COL14A1: variants seen among roughly 807,000 people sequenced by gnomAD.
COL14A1 encodes the protein collagen type XIV alpha 1 chain, also known as collagen alpha-1(XIV) chain.
In COL14A1, 136 loss-of-function variants were observed where a neutral mutation model predicts 230.3. The ratio of observed to expected loss-of-function variants is 0.59; its 90% CI spans 0.51 to 0.68. The LOEUF is 0.68. COL14A1 is among the 30% of genes least tolerant of loss of function. COL14A1 has a pLI of 0.00. For missense variants in COL14A1, 1,976 were observed against 2,215.8 expected, an observed-to-expected ratio of 0.89 and a Z score of 2.17; for synonymous variants, 792 against 784.1, an observed-to-expected ratio of 1.01 and a Z score of -0.17.
At chr8:120,275,053 G>T (rs989234053) in intron 26 of COL14A1, among the ~76,000 whole-genome samples, 1 of 151,296 alleles carries the variant, frequency 6.6e-6, no homozygotes, top group African/African-American at 2.4e-5. Flanking sequence ...TAAACAAAAA[G>T]AAAAAAATCT....
chr8:120,206,339 A>ATGTT (rs371004309), intron 9 of COL14A1, among the ~76,000 whole-genome samples: 22 of 152,102 alleles, frequency 1.4e-4, no homozygotes, highest in South Asian at 1.2e-3. Context: ...TGCTTAGTTA[A>ATGTT]TGTTTGTTTG....
At chr8:120,132,611 G>A (rs1260424265) in intron 1 of COL14A1, among the ~76,000 whole-genome samples, 1 of 150,512 alleles carries the variant, frequency 6.6e-6, no homozygotes, top group Non-Finnish European at 1.5e-5. Context: ...TAGTTTGATA[G>A]CAATAACATT....
intron 4 of COL14A1, among the ~76,000 whole-genome samples, chr8:120,166,412 T>G (rs898474964): frequency 6.6e-6 from 1 of 152,130 alleles, no homozygotes; most frequent in South Asian, 2.1e-4. Context: ...TTGGAAAATT[T>G]TTTCTCTTTT....
At chr8:120,235,323 C>T (rs188028673) in intron 19 of COL14A1, among the ~76,000 whole-genome samples, 1 of 152,222 alleles carries the variant, frequency 6.6e-6, no homozygotes, top group African/African-American at 2.4e-5. Context: ...GCACCTCCCA[C>T]CATGCCCGGC....
intron 1 of COL14A1, 127 bp from the exon 2 acceptor site, chr8:120,147,679 G>C (rs530989317): frequency 5.8e-6 from 3 of 520,382 alleles, no homozygotes; most frequent in Non-Finnish European, 1.0e-5. Context: ...TGAAATGCAC[G>C]ATGCTCTAGG....
intron 40 of COL14A1, among the ~76,000 whole-genome samples, chr8:120,318,107 A>G (rs927888623): frequency 3.9e-5 from 6 of 152,216 alleles, no homozygotes; most frequent in African/African-American, 1.4e-4. Flanking sequence ...AGAATAAAAC[A>G]TAATGGTGCC....
intron 45 of COL14A1, among the ~76,000 whole-genome samples, chr8:120,362,562 G>A (rs1189410743): frequency 2.6e-5 from 4 of 152,228 alleles, no homozygotes; most frequent in Admixed American, 2.0e-4. Flanking sequence ...TGACGAGTCA[G>A]TGTTAGGTTA....
intron 23 of COL14A1, among the ~76,000 whole-genome samples, chr8:120,257,436 T>A (rs1485899531): frequency 1.3e-5 from 2 of 152,186 alleles, no homozygotes; most frequent in Non-Finnish European, 1.5e-5. Flanking sequence ...GGAAAAGGAA[T>A]GTTTGATGGA....
intron 44 of COL14A1, 23 bp from the exon 45 acceptor site, chr8:120,345,352 T>A: frequency 1.3e-6 from 2 of 1,535,536 alleles, no homozygotes; most frequent in Non-Finnish European, 1.7e-6. Context: ...CACTGAATGC[T>A]GTCTTTATGC....
At chr8:120,267,267 A>G (rs1819526569) in intron 25 of COL14A1, among the ~76,000 whole-genome samples, 1 of 151,902 alleles carries the variant, frequency 6.6e-6, no homozygotes, top group South Asian at 2.1e-4. Context: ...TCATCACAAC[A>G]GTTCCTCATC....
At chr8:120,355,091 C>T (rs1365824048) in intron 45 of COL14A1, among the ~76,000 whole-genome samples, 1 of 152,140 alleles carries the variant, frequency 6.6e-6, no homozygotes, top group Non-Finnish European at 1.5e-5. Flanking sequence ...CAGTGCTTGA[C>T]TGGACAATCC....
chr8:120,351,025 A>G (rs1822746845), intron 45 of COL14A1, among the ~76,000 whole-genome samples: 1 of 149,914 alleles, frequency 6.7e-6, no homozygotes, highest in Non-Finnish European at 1.5e-5. Context: ...AACAGAAATT[A>G]CAACAAACTA....
rs1407223170 is a variant in COL14A1 at position 120,243,990 on chromosome 8, T to G, written c.2461T>G (p.Ser821Ala). The stretch of plus-strand genomic sequence containing the variant: ...CACGGATGGCGAAGGCGTCAGCGTC[T>G]CCGCTCCTGGAAAAACCTGTAAGTG... Reference protein sequence around the residue: ...IYTDGEGVSVSAPGKTLPSSG... With the variant: ...IYTDGEGVSVAAPGKTLPSSG... The change falls in exon 20 of 48, where the codon TCC becomes GCC. Residue 821 changes from serine to alanine, a missense_variant. This residue lies in a region of COL14A1 where 1,791 missense variants were observed against 2,019.5 expected (regional missense o/e 0.89). Coordinates refer to ENST00000297848, the MANE Select transcript of COL14A1 (RefSeq NM_021110.4). The G allele has an allele frequency of 1.9e-6, 3 of 1,612,010 alleles. No homozygotes were observed. In the African/African-American group the frequency reaches 4.0e-5, roughly 22 times the overall value.
At chr8:120,138,609 T>A (rs1814788237) in intron 1 of COL14A1, among the ~76,000 whole-genome samples, 1 of 152,192 alleles carries the variant, frequency 6.6e-6, no homozygotes. Context: ...TTATTCCTAA[T>A]TTAGAGTTTT....
At chr8:120,369,218 C>G (rs563292687) in intron 46 of COL14A1, 112 bp from the exon 47 acceptor site, 1 of 1,105,556 alleles carries the variant, frequency 9.0e-7, no homozygotes, top group South Asian at 2.1e-5. Context: ...AGAGGTTGTC[C>G]TAATTGTCCT....
rs763436643 is a variant in COL14A1 at position 120,250,669 on chromosome 8, T to C, written c.2655T>C (p.Leu885=). Residue 885 remains leucine, a synonymous_variant, in exon 22 of 48, where the codon CTT becomes CTC. Coordinates refer to ENST00000297848, the MANE Select transcript of COL14A1 (RefSeq NM_021110.4). ...TFVGADINTI[L]ITNLLSGMDY... ...TGGGAGCTGACATTAACACCATCCT[T>C]ATCACAAACCTCCTCAGCGGAATGG... is the stretch of plus-strand genomic sequence containing the variant. 1.9e-6 allele frequency: 3 copies of C among 1,614,226 alleles called. No homozygotes were observed. The highest frequency in any genetic ancestry group is 1.3e-5 in the African/African-American group (1 of 75,056).
rs894183285 is a variant in COL14A1, at chr8:120,203,705, T to G, written c.878-4T>G. ...ACCATTCTCTTTTTTGTCCTCTGTG[T>G]AAGGGGTGAAAAACGCGGATGTGAA... On this transcript the variant is annotated splice_region_variant and splice_polypyrimidine_tract_variant and intron_variant, in intron 8 of 47. Transcript: ENST00000297848. 1.2e-6 allele frequency: 2 copies of G among 1,613,540 alleles called. No homozygotes were observed. The highest frequency in any genetic ancestry group is 1.7e-5 in the Admixed American group (1 of 59,950).
chr8:120,287,370 C>A (rs1012649944), intron 33 of COL14A1, among the ~76,000 whole-genome samples: 1 of 152,146 alleles, frequency 6.6e-6, no homozygotes, highest in Non-Finnish European at 1.5e-5. Context: ...ACATTGTTTA[C>A]TCACCAAATT....
intron 40 of COL14A1, among the ~76,000 whole-genome samples, chr8:120,328,986 G>A (rs1334872616): frequency 1.3e-5 from 2 of 152,278 alleles, no homozygotes; most frequent in African/African-American, 4.8e-5. Flanking sequence ...ATAGGTGCAT[G>A]TTCACTCCCT....
Sources: allele counts gnomAD v4.1 joint callset (sites outside exome capture counted in the v4.1 genomes callset), GRCh38; gene constraint gnomAD v4.1.1; regional missense constraint gnomAD v4.1.1; transcripts MANE v1.5; gene names NCBI Gene and HGNC (gene_info 2026-07-23, HGNC 2026-07-21).